Variants in CDH20 observed in about 807,000 individuals in gnomAD.
CDH20 encodes the protein cadherin 20.
A neutral mutation model predicts 74.2 loss-of-function variants in CDH20; 29 were observed. The observed-to-expected ratio is 0.39, with a 90% CI of 0.29 to 0.53. The LOEUF (loss-of-function observed/expected upper bound fraction) is 0.53. Among genes scored for constraint, CDH20 ranks in the 20% least tolerant of loss-of-function variants. The probability of loss-of-function intolerance (pLI) is 0.69; values close to 1 mark genes in which losing one functional copy is unlikely to be tolerated. For missense variants in CDH20, 988 were observed against 1,048.3 expected, an observed-to-expected ratio of 0.94 and a Z score of 0.79; for synonymous variants, 469 against 405.4, an observed-to-expected ratio of 1.16 and a Z score of -1.88.
chr18:61,534,227 G>A (rs1394646805), intron 7 of CDH20, among the ~76,000 whole-genome samples: 1 of 152,176 alleles, frequency 6.6e-6, no homozygotes, highest in Non-Finnish European at 1.5e-5. Flanking sequence ...TCAAAAACAT[G>A]AAACGTAAGT....
At chr18:61,478,230 A>G (rs576158241) in intron 1 of CDH20, among the ~76,000 whole-genome samples, 2 of 152,002 alleles carry the variant, frequency 1.3e-5, no homozygotes, top group South Asian at 4.1e-4. Context: ...TGTTTTTCAT[A>G]TATTTATTGA....
At chr18:61,419,437 A>T (rs1912802122) in intron 1 of CDH20, among the ~76,000 whole-genome samples, 1 of 152,216 alleles carries the variant, frequency 6.6e-6, no homozygotes. Flanking sequence ...TCATTTGTGT[A>T]CAAAAGTTTT....
chr18:61,482,001 G>C (rs1910605588), intron 1 of CDH20, among the ~76,000 whole-genome samples: 1 of 56,632 alleles, frequency 1.8e-5, no homozygotes, highest in South Asian at 9.8e-4. Flanking sequence ...TAAGAACTGA[G>C]AAATAGACAA....
At chr18:61,452,383 A>G (rs1387402153) in intron 1 of CDH20, among the ~76,000 whole-genome samples, 1 of 152,194 alleles carries the variant, frequency 6.6e-6, no homozygotes, top group Admixed American at 6.5e-5. Context: ...TCCAACAAGA[A>G]TAATGGCTGG....
intron 1 of CDH20, among the ~76,000 whole-genome samples, chr18:61,379,416 C>T (rs1911359543): frequency 6.6e-6 from 1 of 152,066 alleles, no homozygotes; most frequent in Non-Finnish European, 1.5e-5. Context: ...TAGAAAAGTC[C>T]CTTCCCAGGA....
chr18:61,467,705 C>T (rs1599105030), intron 1 of CDH20, among the ~76,000 whole-genome samples: 1 of 152,176 alleles, frequency 6.6e-6, no homozygotes, highest in Non-Finnish European at 1.5e-5. Flanking sequence ...CACACGGGGC[C>T]TTCCTGTGGC....
Position 61,555,677 on chromosome 18 carries a change from T to A in CDH20, c.*982T>A, listed in dbSNP as rs1913604894. 2.1e-6 allele frequency: 2 copies of A among 972,884 alleles called. No individual in the cohort carries two copies. Among genetic ancestry groups the A allele is most frequent in the African/African-American group, 3.5e-5 (2 of 57,000 alleles). 60.3% of individuals were successfully genotyped at this position (972,884 alleles called of 1,614,324 possible). ...AATAAATGGATGTAAGAAAATTACA[T>A]GTACAAGTTTTGTATATTTGTTAAT... On this transcript the variant is annotated 3_prime_UTR_variant, in exon 12 of 12. Transcript: ENST00000262717.
At chr18:61,410,083 C>T (rs1402651144) in intron 1 of CDH20, among the ~76,000 whole-genome samples, 1 of 152,154 alleles carries the variant, frequency 6.6e-6, no homozygotes, top group East Asian at 1.9e-4. Flanking sequence ...TGCCTTTTGA[C>T]ACTACTATTG....
At chr18:61,362,636 C>A (rs1418007208) in intron 1 of CDH20, among the ~76,000 whole-genome samples, 2 of 152,022 alleles carry the variant, frequency 1.3e-5, no homozygotes, top group Non-Finnish European at 2.9e-5. Flanking sequence ...AGCAAGAAAG[C>A]AACAATTCTA....
intron 6 of CDH20, among the ~76,000 whole-genome samples, chr18:61,526,319 AT>A (rs371127754): frequency 1.3e-5 from 2 of 151,256 alleles, no homozygotes; most frequent in African/African-American, 4.9e-5. Context: ...AGTAGAGACG[AT>A]TTTTTTTAAG....
chr18:61,482,845 T>A (rs1342723030), intron 1 of CDH20, among the ~76,000 whole-genome samples: 2 of 152,140 alleles, frequency 1.3e-5, no homozygotes, highest in South Asian at 2.1e-4. Flanking sequence ...CACTATGAAC[T>A]ATGGAGTATA....
At chr18:61,532,927 A>T (rs1201756943) in intron 7 of CDH20, among the ~76,000 whole-genome samples, 1 of 152,216 alleles carries the variant, frequency 6.6e-6, no homozygotes, top group Non-Finnish European at 1.5e-5. Context: ...CACAGTAGTT[A>T]TAACTCCATA....
intron 1 of CDH20, among the ~76,000 whole-genome samples, chr18:61,457,010 A>G (rs1047134675): frequency 6.6e-6 from 1 of 152,156 alleles, no homozygotes; most frequent in African/African-American, 2.4e-5. Context: ...TTGCATATGA[A>G]TTTTAGGGCA....
chr18:61,544,808 A>G (rs1278718782), intron 9 of CDH20, among the ~76,000 whole-genome samples: 2 of 152,122 alleles, frequency 1.3e-5, no homozygotes, highest in Non-Finnish European at 2.9e-5. Context: ...AGGAGTTCCT[A>G]TTCTCACTTA....
At chr18:61,372,608 A>G (rs919036939) in intron 1 of CDH20, among the ~76,000 whole-genome samples, 2 of 152,158 alleles carry the variant, frequency 1.3e-5, no homozygotes, top group South Asian at 2.1e-4. Flanking sequence ...TCATCTTTAA[A>G]TGGTTGGGAA....
intron 1 of CDH20, among the ~76,000 whole-genome samples, chr18:61,458,392 G>A (rs920876377): frequency 3.3e-5 from 5 of 152,060 alleles, no homozygotes; most frequent in African/African-American, 1.2e-4. Flanking sequence ...GCCATATTTG[G>A]GGGAAAGCAG....
Position 61,507,544 on chromosome 18 carries a change from T to C in CDH20, c.1001T>C (p.Ile334Thr). 1 of 1,608,904 alleles carries C rather than the reference T, an allele frequency of 6.2e-7. No individual in the cohort carries two copies. ...ISTDPNFQVG[I>T]ITVKKPLSFE... ...ACAGATCCCAATTTCCAAGTTGGTA[T>C]CATAACTGTGAAGAAGGTAATCCAA... The change falls in exon 6 of 12, where the codon ATC becomes ACC. Residue 334 changes from isoleucine to threonine, a missense_variant. Coordinates refer to ENST00000262717, the MANE Select transcript of CDH20 (RefSeq NM_031891.4).
At chr18:61,443,965 C>T (rs1162366450) in intron 1 of CDH20, among the ~76,000 whole-genome samples, 5 of 152,094 alleles carry the variant, frequency 3.3e-5, no homozygotes, top group Non-Finnish European at 4.4e-5. Flanking sequence ...TCTCCAGTGA[C>T]TCCCAGTGCA....
intron 1 of CDH20, among the ~76,000 whole-genome samples, chr18:61,474,172 C>A (rs929764427): frequency 5.3e-5 from 8 of 152,152 alleles, no homozygotes; most frequent in African/African-American, 1.7e-4. Flanking sequence ...GAAAGAAGGG[C>A]AGGAGATTTC....
Sources: gnomAD v4.1 joint callset for allele counts (sites outside exome capture counted in the v4.1 genomes callset) on GRCh38, gnomAD v4.1.1 for gene constraint, MANE v1.5 for transcripts, NCBI Gene and HGNC (gene_info 2026-07-23, HGNC 2026-07-21) for gene names.